CDH13: variants seen among roughly 807,000 people sequenced by gnomAD.
CDH13 encodes the protein cadherin 13, also known as cadherin-13.
In CDH13, 24 loss-of-function variants were observed where a neutral mutation model predicts 63.8. That is an observed-to-expected ratio of 0.38 (90% CI 0.27 to 0.53). The LOEUF is 0.53. Among genes scored for constraint, CDH13 ranks in the 20% least tolerant of loss-of-function variants. The pLI is 0.85. For missense variants in CDH13, 1,049 were observed against 903.1 expected, an observed-to-expected ratio of 1.16 and a Z score of -2.07; for synonymous variants, 503 against 355.3, an observed-to-expected ratio of 1.42 and a Z score of -4.67.
At chr16:83,396,454 C>T (rs1166593367) in intron 6 of CDH13, 1 of 152,132 alleles carries the variant, frequency 6.6e-6, no homozygotes, top group African/African-American at 2.4e-5. Context: ...GCCAGGAGTC[C>T]CTCTTTCCTC....
At chr16:83,505,560 GAGA>G (rs2074377496) in intron 7 of CDH13, among the ~76,000 whole-genome samples, 1 of 41,646 alleles carries the variant, frequency 2.4e-5, no homozygotes, top group East Asian at 6.6e-4. Context: ...TTTTTTTTTT[GAGA>G]AGGAGTTTTT....
chr16:82,658,282 T>A (rs1911531889), intron 1 of CDH13, among the ~76,000 whole-genome samples: 1 of 152,234 alleles, frequency 6.6e-6, no homozygotes, highest in South Asian at 2.1e-4. Flanking sequence ...CTTCCCATTT[T>A]ACAGAAAGTA....
chr16:83,193,853 C>CGATG (rs1222079984), intron 4 of CDH13, among the ~76,000 whole-genome samples: 1 of 152,132 alleles, frequency 6.6e-6, no homozygotes, highest in Non-Finnish European at 1.5e-5. Context: ...ATAGGGCTAA[C>CGATG]GATGCCTATT....
chr16:83,705,347 G>T (rs993705360), intron 10 of CDH13, among the ~76,000 whole-genome samples: 17 of 152,204 alleles, frequency 1.1e-4, no homozygotes, highest in African/African-American at 4.1e-4. Flanking sequence ...AGAAGCCCGG[G>T]CCCGGTGGCT....
At chr16:83,551,141 G>A (rs1300387141) in intron 7 of CDH13, among the ~76,000 whole-genome samples, 1 of 151,788 alleles carries the variant, frequency 6.6e-6, no homozygotes, top group Admixed American at 6.6e-5. Flanking sequence ...GTGTACAGTG[G>A]CATGATCTCA....
intron 6 of CDH13, among the ~76,000 whole-genome samples, chr16:83,467,588 T>C (rs908396156): frequency 1.2e-4 from 18 of 151,930 alleles, no homozygotes; most frequent in African/African-American, 4.3e-4. Flanking sequence ...CTCCACGGAG[T>C]TGGTTCTCAA....
At chr16:83,276,448 T>G (rs759942161) in intron 5 of CDH13, among the ~76,000 whole-genome samples, 2 of 152,154 alleles carry the variant, frequency 1.3e-5, no homozygotes, top group Non-Finnish European at 2.9e-5. Context: ...GCAGAATGTA[T>G]GAGTTCATTT....
chr16:83,306,418 C>G (rs1447914124), intron 5 of CDH13, among the ~76,000 whole-genome samples: 1 of 152,102 alleles, frequency 6.6e-6, no homozygotes, highest in Non-Finnish European at 1.5e-5. Context: ...AGCCCAGATT[C>G]ATTCTTGTGG....
intron 1 of CDH13, among the ~76,000 whole-genome samples, chr16:82,674,890 A>C (rs541870034): frequency 1.3e-5 from 2 of 152,198 alleles, no homozygotes; most frequent in Non-Finnish European, 2.9e-5. Context: ...CAATAATTGC[A>C]TTGTCTCTGG....
chr16:82,807,860 C>T (rs1478887413), intron 1 of CDH13, among the ~76,000 whole-genome samples: 1 of 152,184 alleles, frequency 6.6e-6, no homozygotes, highest in African/African-American at 2.4e-5. Context: ...TATTTAGGCT[C>T]TTCCATACTT....
intron 3 of CDH13, among the ~76,000 whole-genome samples, chr16:83,050,204 T>G (rs1041122549): frequency 6.6e-6 from 1 of 152,168 alleles, no homozygotes; most frequent in African/African-American, 2.4e-5. Context: ...ACTGTCGCCA[T>G]AACTCTAGTT....
At chr16:82,639,371 C>A (rs1241234138) in intron 1 of CDH13, 3 of 1,534,906 alleles carry the variant, frequency 2.0e-6, no homozygotes, top group African/African-American at 1.4e-5. Flanking sequence ...GCCAAACAAC[C>A]CACCTGCACT....
chr16:83,036,021 C>G (rs1026907212), intron 3 of CDH13, among the ~76,000 whole-genome samples: 1 of 152,098 alleles, frequency 6.6e-6, no homozygotes, highest in Non-Finnish European at 1.5e-5. Flanking sequence ...TTATCATTTG[C>G]ATCTACTGGG....
intron 7 of CDH13, among the ~76,000 whole-genome samples, chr16:83,600,949 C>G (rs1283018341): frequency 6.6e-6 from 1 of 152,030 alleles, no homozygotes; most frequent in Non-Finnish European, 1.5e-5. Context: ...CTGCATTACC[C>G]CTCCTGTGGT....
intron 5 of CDH13, among the ~76,000 whole-genome samples, chr16:83,317,346 C>G (rs1319848111): frequency 1.3e-5 from 2 of 152,204 alleles, no homozygotes; most frequent in Non-Finnish European, 2.9e-5. Context: ...CAAGCAAAGA[C>G]TTTGAATGTG....
intron 10 of CDH13, among the ~76,000 whole-genome samples, chr16:83,719,847 C>T (rs1429426228): frequency 1.3e-5 from 2 of 152,164 alleles, no homozygotes; most frequent in African/African-American, 4.8e-5. Context: ...TGGCCCCACT[C>T]ACTGTGGGGC....
At chr16:82,663,813 C>T (rs952813691) in intron 1 of CDH13, among the ~76,000 whole-genome samples, 6 of 152,176 alleles carry the variant, frequency 3.9e-5, no homozygotes, top group Non-Finnish European at 7.3e-5. Flanking sequence ...CTTTGTGATC[C>T]TCTTCTAGGA....
At chr16:82,678,740 T>C (rs781504693) in intron 1 of CDH13, among the ~76,000 whole-genome samples, 11 of 152,226 alleles carry the variant, frequency 7.2e-5, no homozygotes, top group Non-Finnish European at 1.3e-4. Context: ...GGTACAGTTA[T>C]CTTCTTAAAG....
chr16:82,722,602 G>A (rs1331128441), intron 1 of CDH13, among the ~76,000 whole-genome samples: 1 of 152,256 alleles, frequency 6.6e-6, no homozygotes, highest in South Asian at 2.1e-4. Context: ...ACCAAGTATG[G>A]AGAGTGAGGT....
Sources: gnomAD v4.1 joint callset for allele counts (sites outside exome capture counted in the v4.1 genomes callset) on GRCh38, gnomAD v4.1.1 for gene constraint, MANE v1.5 for transcripts, NCBI Gene and HGNC (gene_info 2026-07-23, HGNC 2026-07-21) for gene names.